The following TMEM182 variants were observed in gnomAD, a reference collection of about 807,000 sequenced individuals.
TMEM182 encodes transmembrane protein 182.
In TMEM182, 20 loss-of-function variants were observed where a neutral mutation model predicts 26.8. The observed-to-expected ratio is 0.75, with a 90% CI of 0.53 to 1.09. The LOEUF is 1.09. Ranked by LOEUF, TMEM182 falls within the 50% of genes least tolerant of loss-of-function variation. The pLI is 0.00. For missense variants in TMEM182, 277 were observed against 275.5 expected (o/e 1.01, Z -0.04); for synonymous variants, 109 against 102.2 (o/e 1.07, Z -0.40).
chr2:102,793,121 T>C lies in TMEM182; in HGVS notation c.332-4742T>C, dbSNP rs181354417. ...TGCCTCATGTGAGCTTCTGCTCTGC[T>C]GCTCATCACCTCACTTTCTCAGTTT... On this transcript the variant is annotated intron_variant, in intron 3 of 4. Transcript: ENST00000412401. Among the ~76,000 whole-genome samples the C allele has an allele frequency of 3.3e-4, 50 of 152,326 alleles. 1 individual carries two copies. Among genetic ancestry groups the C allele is most frequent in the Admixed American group, 8.5e-4 (13 of 15,300 alleles).
At chr2:102,775,538 G>A (rs1210085434) in intron 3 of TMEM182, 3 of 152,148 alleles carry the variant, frequency 2.0e-5, no homozygotes, top group Non-Finnish European at 4.4e-5. Context: ...GTTCTGGCCA[G>A]GGCAATTAGA....
At chr2:102,770,410 C>T (rs939330583) in intron 3 of TMEM182, among the ~76,000 whole-genome samples, 1 of 152,208 alleles carries the variant, frequency 6.6e-6, no homozygotes, top group South Asian at 2.1e-4. Context: ...CTGACACTTC[C>T]AGATCATCTG....
chr2:102,778,118 G>T (rs552268366), intron 3 of TMEM182, among the ~76,000 whole-genome samples: 5 of 152,124 alleles, frequency 3.3e-5, no homozygotes, highest in South Asian at 2.1e-4. Flanking sequence ...GAAGTCTCCA[G>T]TTAAAATTGT....
chr2:102,798,268 A>G (rs982152294), intron 4 of TMEM182, among the ~76,000 whole-genome samples: 7 of 152,164 alleles, frequency 4.6e-5, no homozygotes, highest in Non-Finnish European at 8.8e-5. Flanking sequence ...TAAGGCCATT[A>G]TTATAAAGAG....
chr2:102,780,038 T>A (rs920769555), intron 3 of TMEM182, among the ~76,000 whole-genome samples: 5 of 151,442 alleles, frequency 3.3e-5, no homozygotes, highest in African/African-American at 1.2e-4. Flanking sequence ...TTTTCACATT[T>A]GCCATTGAAG....
chr2:102,796,325 A>G (rs1261714477), intron 3 of TMEM182, among the ~76,000 whole-genome samples: 3 of 152,208 alleles, frequency 2.0e-5, no homozygotes, highest in African/African-American at 4.8e-5. Flanking sequence ...GTTGCTTGTC[A>G]TACTTACCTA....
At chr2:102,739,876 G>A (rs983309171) in intron 1 of TMEM182, among the ~76,000 whole-genome samples, 6 of 152,120 alleles carry the variant, frequency 3.9e-5, no homozygotes, top group African/African-American at 7.2e-5. Context: ...TATGCTGCTC[G>A]CTGTGTCATG....
intron 4 of TMEM182, among the ~76,000 whole-genome samples, chr2:102,798,848 A>T (rs543017694): frequency 2.2e-4 from 34 of 152,306 alleles, no homozygotes; most frequent in African/African-American, 4.8e-4. Context: ...TAAAAAAAAA[A>T]AATAATTAAT....
intron 4 of TMEM182, among the ~76,000 whole-genome samples, chr2:102,813,779 T>C (rs1308328672): frequency 2.0e-5 from 3 of 152,198 alleles, no homozygotes; most frequent in Admixed American, 6.5e-5. Flanking sequence ...AAAACTGTAA[T>C]ACTTCATCTA....
In TMEM182 at chr2:102,812,384, TACACACACACACACAC is replaced by T. The variant is rs61175945; in HGVS notation, c.470-2333_470-2318del. Among the ~76,000 whole-genome samples the T allele has an allele frequency of 1.4e-3, 203 of 143,322 alleles. 2 individuals carry two copies. The Middle Eastern group carries it at 0.018, about 13-fold the overall frequency. 94.0% of individuals were successfully genotyped at this position (143,322 alleles called of 152,430 possible). On this transcript the variant is annotated intron_variant, in intron 4 of 4. Transcript: ENST00000412401. ...CTCTCTCTCTCTTTGTCTACACATGTACACACACACACACACACACACACACACACACACACACACA... is the reference window on the plus strand; with the variant it reads ...CTCTCTCTCTCTTTGTCTACACATGTACACACACACACACACACACACACA...
chr2:102,805,030 A>AT, intron 4 of TMEM182, among the ~76,000 whole-genome samples: 1 of 152,302 alleles, frequency 6.6e-6, no homozygotes, highest in Admixed American at 6.5e-5. Flanking sequence ...TTTAATGTGG[A>AT]TTTTCCAACG....
At position 102,816,398 on chromosome 2, in the gene TMEM182, A is replaced by G. The variant is rs1177998137; in HGVS notation, c.*1430A>G. ...CCAATGCCGTGGGAGAGGTGATCCC[A>G]GTCTTCTCTGTACATCTTGTGCTTT... is the stretch of plus-strand genomic sequence containing the variant. On this transcript the variant is annotated 3_prime_UTR_variant, in exon 5 of 5. Coordinates refer to ENST00000412401, the MANE Select transcript of TMEM182 (RefSeq NM_144632.5). 1.0e-6 allele frequency: 1 copy of G among 985,076 alleles called. No individual in the cohort carries two copies. The highest frequency in any genetic ancestry group is 1.7e-5 in the African/African-American group (1 of 57,172). The allele number at this position is 985,076 out of a possible 1,614,324, so 61.0% of individuals were successfully genotyped here.
At position 102,815,987 on chromosome 2, in the gene TMEM182, T is replaced by C. The variant is rs1261152694; in HGVS notation, c.*1019T>C. Reference sequence around the variant, plus strand: ...AGTTCTTCTGATCATTTGATTCCTTTAATTACTGTCCCTCAATTTCTTCAT... The same window carrying C: ...AGTTCTTCTGATCATTTGATTCCTTCAATTACTGTCCCTCAATTTCTTCAT... On this transcript the variant is annotated 3_prime_UTR_variant, in exon 5 of 5. Coordinates refer to ENST00000412401, the MANE Select transcript of TMEM182 (RefSeq NM_144632.5). 2.0e-6 allele frequency: 2 copies of C among 984,920 alleles called. No individual in the cohort carries two copies. Among genetic ancestry groups the C allele is most frequent in the African/African-American group, 3.5e-5 (2 of 57,242 alleles). 61.0% of individuals were successfully genotyped at this position (984,920 alleles called of 1,614,324 possible).
At chr2:102,824,707 A>AG in intron 3 of TMEM182, among the ~76,000 whole-genome samples, 1 of 152,290 alleles carries the variant, frequency 6.6e-6, no homozygotes, top group East Asian at 1.9e-4. Context: ...GTGCATTTGT[A>AG]GTCCAGCTAT....
intron 3 of TMEM182, among the ~76,000 whole-genome samples, chr2:102,826,340 T>A (rs959678147): frequency 8.1e-5 from 12 of 148,324 alleles, no homozygotes; most frequent in Non-Finnish European, 1.8e-4. Context: ...TCCCAATCGA[T>A]GTTCATTAGA....
rs928543077 is a variant in TMEM182, at chr2:102,816,885, G to A, written c.*1917G>A. 9 of 985,686 alleles carry A rather than the reference G, an allele frequency of 9.1e-6. No homozygotes were observed. The South Asian group carries it at 1.9e-4, about 21-fold the overall frequency. The allele number at this position is 985,686 out of a possible 1,614,324, so 61.1% of individuals were successfully genotyped here. ...TAAGTTTCACATACAAGCTGCTTTC[G>A]GCAAAGGCTTGAATATTTATAAATT... On this transcript the variant is annotated 3_prime_UTR_variant, in exon 5 of 5. Coordinates refer to ENST00000412401, the MANE Select transcript of TMEM182 (RefSeq NM_144632.5).
chr2:102,805,882 C>T (rs1455639748), intron 4 of TMEM182, among the ~76,000 whole-genome samples: 1 of 152,028 alleles, frequency 6.6e-6, no homozygotes, highest in Admixed American at 6.6e-5. Flanking sequence ...GTACTCCAGC[C>T]TGGCAGAGCG....
intron 3 of TMEM182, among the ~76,000 whole-genome samples, chr2:102,794,297 C>T (rs2104721190): frequency 1.3e-5 from 2 of 152,254 alleles, no homozygotes; most frequent in Non-Finnish European, 2.9e-5. Context: ...TGTTTTTCTA[C>T]TGTATTATGC....
upstream of TMEM182, among the ~76,000 whole-genome samples, chr2:102,760,647 T>C (rs1680177905): frequency 6.6e-6 from 1 of 152,134 alleles, no homozygotes; most frequent in Admixed American, 6.6e-5. Context: ...AGAGTTTTGC[T>C]CTTGTTGCCC....
Sources: allele counts gnomAD v4.1 joint callset (sites outside exome capture counted in the v4.1 genomes callset), GRCh38; gene constraint gnomAD v4.1.1; transcripts MANE v1.5; gene names NCBI Gene and HGNC (gene_info 2026-07-23, HGNC 2026-07-21).